TACC2: variants seen among roughly 807,000 people sequenced by gnomAD.
The protein encoded by TACC2 is transforming acidic coiled-coil containing protein 2.
In TACC2, 137 loss-of-function variants were observed where a neutral mutation model predicts 227.3. The observed-to-expected ratio is 0.60, with a 90% CI of 0.52 to 0.69. TACC2 has a LOEUF of 0.69. TACC2 is among the 30% of genes least tolerant of loss of function. TACC2 has a pLI of 0.00. For missense variants in TACC2, 3,470 were observed against 3,694.4 expected, an observed-to-expected ratio of 0.94 and a Z score of 1.57; for synonymous variants, 1,523 against 1,487.5, an observed-to-expected ratio of 1.02 and a Z score of -0.55.
In TACC2 at chr10:122,210,250, C is replaced by G. The variant is rs987594000; in HGVS notation, c.5972-147C>G. The G allele has an allele frequency of 5.9e-6, 4 of 677,156 alleles. No homozygotes were observed. 41.9% of individuals were successfully genotyped at this position (677,156 alleles called of 1,614,324 possible). Reference sequence around the variant, plus strand: ...ATTACGGGTAGGTCAGGTTCTGTACCCAAGTAGTACACACAGTGATGGGCG... The same window carrying G: ...ATTACGGGTAGGTCAGGTTCTGTACGCAAGTAGTACACACAGTGATGGGCG... On this transcript the variant is annotated intron_variant, in intron 8 of 22. Coordinates refer to ENST00000369005, the MANE Select transcript of TACC2 (RefSeq NM_206862.4). This position sits in a 1 kb window ranked among gnomAD's most constrained non-coding sequence, Gnocchi z 4.6.
intron 18 of TACC2, among the ~76,000 whole-genome samples, chr10:122,238,443 T>C (rs1162644567): frequency 6.6e-6 from 1 of 152,206 alleles, no homozygotes. Flanking sequence ...ACACTCTTTT[T>C]AATTAATTAA....
intron 1 of TACC2, among the ~76,000 whole-genome samples, chr10:122,016,584 A>AG (rs1175974467): frequency 6.7e-6 from 1 of 148,640 alleles, no homozygotes; most frequent in Non-Finnish European, 1.5e-5. Context: ...AAAAAAAAAA[A>AG]AGTCAGTCCC....
chr10:122,123,762 G>A (rs1317779656), intron 5 of TACC2, among the ~76,000 whole-genome samples: 3 of 151,754 alleles, frequency 2.0e-5, no homozygotes, highest in East Asian at 3.9e-4. Flanking sequence ...GAAGTGGGGT[G>A]CACAGTTTCC....
At chr10:122,237,924 T>G (rs1249096587) in intron 17 of TACC2, 37 bp from the exon 18 acceptor site, 6 of 1,522,864 alleles carry the variant, frequency 3.9e-6, no homozygotes, top group East Asian at 2.3e-5. Context: ...ATTCACTCAT[T>G]TGGGGCTAAC....
chr10:121,993,087 A>G (rs1953101667), intron 1 of TACC2, among the ~76,000 whole-genome samples: 1 of 152,194 alleles, frequency 6.6e-6, no homozygotes, highest in Non-Finnish European at 1.5e-5. Flanking sequence ...TGGGAGGCCA[A>G]GGCGGAAGGA....
intron 1 of TACC2, among the ~76,000 whole-genome samples, chr10:122,014,917 C>T (rs2135407016): frequency 6.6e-6 from 1 of 152,250 alleles, no homozygotes; most frequent in African/African-American, 2.4e-5. Flanking sequence ...GAAAGCCATG[C>T]TCTGTTATAA....
chr10:122,119,426 G>C (rs192170037), intron 5 of TACC2, among the ~76,000 whole-genome samples: 1 of 152,314 alleles, frequency 6.6e-6, no homozygotes, highest in East Asian at 1.9e-4. Flanking sequence ...TCTGTGCCCA[G>C]TGTTCTGGTG....
Position 122,237,997 on chromosome 10 carries a change from G to GAT in TACC2, c.8310_8311dup (p.Lys2771IlefsTer10). 1 of 1,614,146 alleles carries GAT rather than the reference G, an allele frequency of 6.2e-7. No homozygotes were observed. Among genetic ancestry groups the GAT allele is most frequent in the South Asian group, 1.1e-5 (1 of 91,068 alleles). ...GGAGAGAGAGGTCTCAGAATGGAAA[G>GAT]ATAAATATGAAGAAAGCAGGCGGGA... is the stretch of plus-strand genomic sequence containing the variant. On this transcript the variant is annotated frameshift_variant, in exon 18 of 23. Coordinates refer to ENST00000369005, the MANE Select transcript of TACC2 (RefSeq NM_206862.4). LOFTEE classifies it high-confidence loss of function.
At position 122,224,881 on chromosome 10, in the gene TACC2, CCA is replaced by C. The variant is rs2095594431; in HGVS notation, c.7608+95_7608+96del. On this transcript the variant is annotated intron_variant, in intron 12 of 22. Coordinates refer to ENST00000369005, the MANE Select transcript of TACC2 (RefSeq NM_206862.4). ...CAGAGTGTCTCTGGGAGCTCAGACC[CCA>C]AATCGAGTGTTTTCTGTGTACACAG... 5.9e-6 allele frequency: 6 copies of C among 1,020,240 alleles called. No homozygotes were observed. The South Asian group carries it at 8.2e-5, about 14-fold the overall frequency. 63.2% of individuals were successfully genotyped at this position (1,020,240 alleles called of 1,614,324 possible). A position where few individuals can be genotyped will look rare whatever the true frequency, so the allele number is the denominator to read the frequency against.
Position 122,226,491 on chromosome 10 carries a change from C to T in TACC2, c.7724+10C>T, listed in dbSNP as rs766749520. ...CGACGCCGTGTTCAGGGTATGACTT[C>T]CATGATGAGAGAGTTACACATCATG... On this transcript the variant is annotated intron_variant, in intron 13 of 22. Coordinates refer to ENST00000369005, the MANE Select transcript of TACC2 (RefSeq NM_206862.4). 6.3e-7 allele frequency: 1 copy of T among 1,587,932 alleles called. No homozygotes were observed. The highest frequency in any genetic ancestry group is 8.6e-7 in the Non-Finnish European group (1 of 1,158,004).
intron 2 of TACC2, among the ~76,000 whole-genome samples, chr10:122,048,603 C>G (rs913251676): frequency 6.6e-6 from 1 of 152,046 alleles, no homozygotes. Flanking sequence ...AGCAGTCTTC[C>G]CACCTCGCCT....
intron 3 of TACC2, among the ~76,000 whole-genome samples, chr10:122,066,273 ATTTTT>A (rs71482682): frequency 7.6e-6 from 1 of 132,034 alleles, no homozygotes; most frequent in Admixed American, 7.5e-5. Flanking sequence ...ATGCCCAGCT[ATTTTT>A]TTTTTTTTTT....
Position 122,022,016 on chromosome 10 carries a change from T to C in TACC2, c.33+2T>C, listed in dbSNP as rs1225288879. ...GAGAACAGCACCTCGGACAACCAGGTGGGTGTCAGGAAGCTTCTCTCTCGA... is the reference window on the plus strand; with the variant it reads ...GAGAACAGCACCTCGGACAACCAGGCGGGTGTCAGGAAGCTTCTCTCTCGA... On this transcript the variant is annotated splice_donor_variant, in intron 2 of 22. Coordinates refer to ENST00000369005, the MANE Select transcript of TACC2 (RefSeq NM_206862.4). LOFTEE classifies it high-confidence loss of function. 2 of 1,614,002 alleles carry C rather than the reference T, an allele frequency of 1.2e-6. No individual in the cohort carries two copies. Among genetic ancestry groups the C allele is most frequent in the African/African-American group, 2.7e-5 (2 of 74,916 alleles).
In TACC2 at chr10:122,178,568, G is replaced by A. The variant is rs143411193; in HGVS notation, c.5835-16472G>A. Among the ~76,000 whole-genome samples, 615 of 152,012 alleles carry A rather than the reference G, an allele frequency of 4.0e-3. 5 individuals are homozygous for A. The highest frequency in any genetic ancestry group is 0.014 in the African/African-American group (574 of 41,502). Reference sequence around the variant, plus strand: ...TCGTTATTTCTGATGTTTGATCAGCGCATCCTGTGCTGAGTTAAGAAAACA... The same window carrying A: ...TCGTTATTTCTGATGTTTGATCAGCACATCCTGTGCTGAGTTAAGAAAACA... On this transcript the variant is annotated intron_variant, in intron 7 of 22. Coordinates refer to ENST00000369005, the MANE Select transcript of TACC2 (RefSeq NM_206862.4).
rs1589968567 is a variant in TACC2 at position 122,249,176 on chromosome 10, G to A, written c.8660+20G>A. ...GGACAGGTAACATTTAGCCACTGGG[G>A]GTGGCTCCCAGGGGCCTCCCAGCAG... On this transcript the variant is annotated intron_variant, in intron 21 of 22. Coordinates refer to ENST00000369005, the MANE Select transcript of TACC2 (RefSeq NM_206862.4). 1.3e-6 allele frequency: 2 copies of A among 1,569,158 alleles called. No individual in the cohort carries two copies. The highest frequency in any genetic ancestry group is 1.7e-6 in the Non-Finnish European group (2 of 1,147,342).
chr10:122,007,963 C>G (rs1457703991), intron 1 of TACC2, among the ~76,000 whole-genome samples: 1 of 152,136 alleles, frequency 6.6e-6, no homozygotes, highest in East Asian at 1.9e-4. Context: ...CATGTGATGC[C>G]TCTGACCACC....
Position 122,242,970 on chromosome 10 carries a change from G to A in TACC2, c.8392+969G>A, listed in dbSNP as rs563479491. On this transcript the variant is annotated intron_variant, in intron 19 of 22. Transcript: ENST00000369005. The stretch of plus-strand genomic sequence containing the variant: ...AGTTTTGTTGTTGTTGTTTGAGACC[G>A]TCTCGTTCTGTCACCCAGGCTGGAG... Among the ~76,000 whole-genome samples the A allele has an allele frequency of 5.9e-5, 9 of 151,696 alleles. No individual in the cohort carries two copies. In the East Asian group the frequency reaches 7.7e-4, roughly 13 times the overall value.
chr10:122,051,524 G>T (rs1489710944), intron 3 of TACC2: 1 of 152,020 alleles, frequency 6.6e-6, no homozygotes, highest in Non-Finnish European at 1.5e-5. Context: ...GCACGCTGGG[G>T]GCACTTAATA....
chr10:122,083,076 T>G lies in TACC2; in HGVS notation c.576T>G (p.Ser192Arg). 1 of 1,612,838 alleles carries G rather than the reference T, an allele frequency of 6.2e-7. No individual in the cohort carries two copies. Among genetic ancestry groups the G allele is most frequent in the Non-Finnish European group, 8.5e-7 (1 of 1,180,012 alleles). ...EGQKSSFSFS[S>R]GIDQSPGMSP... ...AGAAGTCCTCCTTCTCCTTCTCCAG[T>G]GGCATCGACCAGTCACCTGGAATGT... Residue 192 changes from serine to arginine, a missense_variant, in exon 4 of 23, where the codon AGT becomes AGG. This residue lies in a region of TACC2 where 405 missense variants were observed against 389.6 expected (regional missense o/e 1.04). Coordinates refer to ENST00000369005, the MANE Select transcript of TACC2 (RefSeq NM_206862.4).
Sources: allele counts gnomAD v4.1 joint callset (sites outside exome capture counted in the v4.1 genomes callset), GRCh38; gene constraint gnomAD v4.1.1; regional missense constraint gnomAD v4.1.1; non-coding constraint Gnocchi (gnomAD v3.1); transcripts MANE v1.5; gene names NCBI Gene and HGNC (gene_info 2026-07-23, HGNC 2026-07-21).